The following LRRC37A3 variants were observed in gnomAD, a reference collection of about 807,000 sequenced individuals.
LRRC37A3 encodes leucine rich repeat containing 37 member A3.
LRRC37A3 carries 25 observed loss-of-function variants against 106.2 expected under a neutral mutation model. That is an observed-to-expected ratio of 0.24 (90% CI 0.17 to 0.33). The LOEUF is 0.33. Among genes scored for constraint, LRRC37A3 ranks in the 10% least tolerant of loss-of-function variants. The probability of loss-of-function intolerance (pLI) is 1.00; values close to 1 mark genes in which losing one functional copy is unlikely to be tolerated. For synonymous variants in LRRC37A3, 305 were observed against 635.8 expected, an observed-to-expected ratio of 0.48 and a Z score of 7.83; for missense variants, 712 against 1,644.9, an observed-to-expected ratio of 0.43 and a Z score of 9.81.
chr17:64,870,748 T>A (rs1027598965), intron 8 of LRRC37A3, among the ~76,000 whole-genome samples: 26 of 152,368 alleles, frequency 1.7e-4, no homozygotes, highest in African/African-American at 3.8e-4. Context: ...TTAGGTTTTT[T>A]AAAAATTTTC....
At chr17:64,867,884 G>C (rs1973171896) in intron 10 of LRRC37A3, among the ~76,000 whole-genome samples, 1 of 152,004 alleles carries the variant, frequency 6.6e-6, no homozygotes, top group African/African-American at 2.4e-5. Context: ...AACCACCCTG[G>C]CCAACATGGC....
At position 64,863,089 on chromosome 17, in the gene LRRC37A3, A is replaced by G; in HGVS notation, c.3054-71T>C. On this transcript the variant is annotated intron_variant, in intron 10 of 14. Transcript: ENST00000584306. ...CTTGAGTAGGTAAAGGAGGCAGCCA[A>G]CACTACCACAGGGGTGGGAAAAAGG... The G allele has an allele frequency of 1.9e-6, 3 of 1,580,370 alleles. No individual in the cohort carries two copies. In the African/African-American group the frequency reaches 4.0e-5, roughly 21 times the overall value.
Position 64,880,766 on chromosome 17 carries a change from G to GT in LRRC37A3, c.2906+5319dup, listed in dbSNP as rs762606857. Among the ~76,000 whole-genome samples the GT allele has an allele frequency of 3.3e-3, 480 of 145,658 alleles. 2 individuals are homozygous for GT. Among genetic ancestry groups the GT allele is most frequent in the Non-Finnish European group, 5.7e-3 (375 of 65,984 alleles). ...CAAAATAAGGGAACATTTCTTGCCT[G>GT]TTTTTTTTTTTCCCCTCCAAATTCT... is the stretch of plus-strand genomic sequence containing the variant. On this transcript the variant is annotated intron_variant, in intron 8 of 14. Coordinates refer to ENST00000584306, the MANE Select transcript of LRRC37A3 (RefSeq NM_199340.5).
chr17:64,913,401 C>T (rs1403920047), intron 2 of LRRC37A3, among the ~76,000 whole-genome samples: 2 of 147,166 alleles, frequency 1.4e-5, no homozygotes, highest in African/African-American at 2.5e-5. Context: ...GGTGCAGTGG[C>T]GTGATCTCGG....
chr17:64,860,409 G>C lies in LRRC37A3; in HGVS notation c.3737C>G (p.Ser1246Cys). The C allele has an allele frequency of 6.2e-7, 1 of 1,613,984 alleles. No homozygotes were observed. The highest frequency in any genetic ancestry group is 8.5e-7 in the Non-Finnish European group (1 of 1,179,866). ...GCCCTTGGAGAAGGGTTTCAGCACA[G>C]AGACTGCTGCCTTATGCTCTTGGGT... is the stretch of plus-strand genomic sequence containing the variant. ...SFTQEHKAAV[S>C]VLKPFSKGAP... The change falls in exon 12 of 15, where the codon TCT becomes TGT. Residue 1246 changes from serine to cysteine, a missense_variant. Transcript: ENST00000584306.
chr17:64,916,550 G>A (rs1294046495), intron 2 of LRRC37A3, among the ~76,000 whole-genome samples: 1 of 150,374 alleles, frequency 6.7e-6, no homozygotes, highest in Non-Finnish European at 1.5e-5. Context: ...GCCGAGGCAG[G>A]CAGATCGCTT....
intron 8 of LRRC37A3, among the ~76,000 whole-genome samples, chr17:64,869,842 C>T (rs968533898): frequency 1.3e-5 from 2 of 151,482 alleles, no homozygotes; most frequent in Non-Finnish European, 2.9e-5. Flanking sequence ...CGGCTGGCTG[C>T]TTGTCTTTTA....
intron 8 of LRRC37A3, among the ~76,000 whole-genome samples, chr17:64,880,276 T>A (rs1973653503): frequency 6.6e-6 from 1 of 152,064 alleles, no homozygotes; most frequent in South Asian, 2.1e-4. Context: ...CCAAATGATA[T>A]GAATGCTTTT....
chr17:64,866,628 ATTTTTTTTTT>A (rs1183521580), intron 10 of LRRC37A3, among the ~76,000 whole-genome samples: 2 of 17,868 alleles, frequency 1.1e-4, no homozygotes, highest in African/African-American at 5.3e-4. Context: ...ATATATATAT[ATTTTTTTTTT>A]TTTTTTTTTT....
At chr17:64,916,729 T>G (rs1324278307) in intron 2 of LRRC37A3, among the ~76,000 whole-genome samples, 2 of 146,462 alleles carry the variant, frequency 1.4e-5, no homozygotes, top group African/African-American at 5.2e-5. Context: ...GCGGCTGCAG[T>G]GAGTGGTGAC....
At chr17:64,917,695 G>A (rs868681167) in intron 2 of LRRC37A3, among the ~76,000 whole-genome samples, 31 of 152,230 alleles carry the variant, frequency 2.0e-4, no homozygotes, top group Middle Eastern at 3.4e-3. Flanking sequence ...GGCCGGGCGC[G>A]ATGGCTCACA....
intron 10 of LRRC37A3, among the ~76,000 whole-genome samples, chr17:64,866,618 ATATATATATATTT>A (rs1425367063): frequency 2.4e-4 from 6 of 24,804 alleles, no homozygotes; most frequent in South Asian, 1.8e-3. Flanking sequence ...ATATATATAT[ATATATATATATTT>A]TTTTTTTTTT....
Position 64,859,505 on chromosome 17 carries a change from C to A in LRRC37A3, c.4641G>T (p.Lys1547Asn). The change falls in exon 12 of 15, where the codon AAG (lysine) becomes AAT (asparagine). Residue 1547 changes from lysine to asparagine, a missense_variant. Physicochemically the swap from Lys to Asn is moderately conservative, Grantham distance 94. Transcript: ENST00000584306. ...TGCTCTCATTAATGTAGTTCTCAGT[C>A]TTCCATTGGTCCGTATCCCATTCTA... ...SKIEWDTDQWKTENYINESTE... is the reference protein window; with the variant it reads ...SKIEWDTDQWNTENYINESTE... 1 of 1,611,788 alleles carries A rather than the reference C, an allele frequency of 6.2e-7. No individual in the cohort carries two copies. Among genetic ancestry groups the A allele is most frequent in the Non-Finnish European group, 8.5e-7 (1 of 1,179,706 alleles).
At chr17:64,890,350 T>G (rs1973919103) in intron 5 of LRRC37A3, among the ~76,000 whole-genome samples, 1 of 110,962 alleles carries the variant, frequency 9.0e-6, no homozygotes, top group Admixed American at 8.8e-5. Flanking sequence ...ACTGCAGACA[T>G]GAGCCACCTC....
At chr17:64,868,065 T>C (rs1310839896) in intron 10 of LRRC37A3, among the ~76,000 whole-genome samples, 5 of 151,602 alleles carry the variant, frequency 3.3e-5, no homozygotes, top group African/African-American at 1.2e-4. Flanking sequence ...CAGAGTGAGA[T>C]TCCATTTCAA....
intron 10 of LRRC37A3, among the ~76,000 whole-genome samples, chr17:64,866,683 T>C (rs1973121312): frequency 8.3e-6 from 1 of 119,796 alleles, no homozygotes; most frequent in African/African-American, 3.1e-5. Flanking sequence ...CAAGCTGGAG[T>C]GCAGTGGTGC....
rs1453159028 is a variant in LRRC37A3 at position 64,915,749 on chromosome 17, C to T, written c.-496+3001G>A. On this transcript the variant is annotated intron_variant, in intron 2 of 14. Transcript: ENST00000584306. ...ATGGGGAGAAAATGTATGAACATCA[C>T]ACAGCCTAACAAAGCACTTATATCC... is the stretch of plus-strand genomic sequence containing the variant. 2.6e-5 allele frequency among the ~76,000 whole-genome samples: 4 copies of T among 152,206 alleles called. No homozygotes were observed. The East Asian group carries it at 7.7e-4, about 29-fold the overall frequency.
At chr17:64,869,907 G>A (rs1438885752) in intron 8 of LRRC37A3, among the ~76,000 whole-genome samples, 3 of 101,812 alleles carry the variant, frequency 2.9e-5, no homozygotes, top group African/African-American at 1.4e-4. Context: ...AAAAAAAATA[G>A]GACCAATTAT....
rs548814262 is a variant in LRRC37A3, at chr17:64,881,501, G to A, written c.2906+4585C>T. 9.0e-4 allele frequency among the ~76,000 whole-genome samples: 118 copies of A among 131,036 alleles called. 1 individual carries two copies. The Middle Eastern group carries it at 0.011, about 12-fold the overall frequency. The allele number at this position is 131,036 out of a possible 152,430, so 86.0% of individuals were successfully genotyped here. A position where few individuals can be genotyped will look rare whatever the true frequency, so the allele number is the denominator to read the frequency against. On this transcript the variant is annotated intron_variant, in intron 8 of 14. Coordinates refer to ENST00000584306, the MANE Select transcript of LRRC37A3 (RefSeq NM_199340.5). ...GAGCTCAAGTGATCCACCCACCTTG[G>A]CCTCCCAAAGTGCTGAGATTACAGC... is the stretch of plus-strand genomic sequence containing the variant.
Sources: allele counts gnomAD v4.1 joint callset (sites outside exome capture counted in the v4.1 genomes callset), GRCh38; gene constraint gnomAD v4.1.1; transcripts MANE v1.5; gene names NCBI Gene and HGNC (gene_info 2026-07-23, HGNC 2026-07-21).